The following SGSM1 variants were observed in gnomAD, a reference collection of about 807,000 sequenced individuals.
The protein encoded by SGSM1 is RUN and TBC1 domain containing 2.
Under a neutral mutation model 133.8 loss-of-function variants are expected in SGSM1, and 73 were observed. The ratio of observed to expected loss-of-function variants is 0.55; its 90% CI spans 0.45 to 0.66. The LOEUF is 0.66. Ranked by LOEUF, SGSM1 falls within the 30% of genes least tolerant of loss-of-function variation. The pLI is 0.00. For missense variants in SGSM1, 1,213 were observed against 1,448.1 expected (o/e 0.84, Z 2.64); for synonymous variants, 563 against 573.0 (o/e 0.98, Z 0.25).
At chr22:24,806,650 G>A (rs1927408080) in intron 2 of SGSM1, among the ~76,000 whole-genome samples, 166 bp downstream of exon 2, 1 of 152,108 alleles carries the variant, frequency 6.6e-6, no homozygotes, top group Non-Finnish European at 1.5e-5. Flanking sequence ...GAGGCGCAGC[G>A]AGGGAGTTTG....
chr22:24,913,310 A>G (rs981000275), intron 22 of SGSM1, among the ~76,000 whole-genome samples: 4 of 146,536 alleles, frequency 2.7e-5, no homozygotes, highest in Admixed American at 2.0e-4. Flanking sequence ...AAAAAAAAAA[A>G]GAAAGAAAAA....
In SGSM1 at chr22:24,847,788, C is replaced by G. The variant is rs373806756; in HGVS notation, c.294C>G (p.Ile98Met). 2 of 1,613,638 alleles carry G rather than the reference C, an allele frequency of 1.2e-6. No homozygotes were observed. Among genetic ancestry groups the G allele is most frequent in the Non-Finnish European group, 8.5e-7 (1 of 1,179,772 alleles). ...AGGTGCAAGACCTGGAGCAGCTGAT[C>G]GAGAGCGCGTGAGTGCAAAGCATGG... ...SRKVQDLEQL[I>M]ESARNQIQGL... Residue 98 changes from isoleucine (I) to methionine (M), a missense_variant, in exon 4 of 25, where the codon ATC becomes ATG. By Grantham distance (10) the Ile-to-Met change is conservative (BLOSUM62 1). Transcript: ENST00000400358.
intron 21 of SGSM1, among the ~76,000 whole-genome samples, chr22:24,906,187 A>AG (rs1491268463): frequency 1.3e-5 from 2 of 152,226 alleles, no homozygotes; most frequent in Non-Finnish European, 2.9e-5. Flanking sequence ...CAATTGACAC[A>AG]GAAAAACACA....
In SGSM1 at chr22:24,806,458, A is replaced by G; in HGVS notation, c.37A>G (p.Arg13Gly). 6.6e-7 allele frequency: 1 copy of G among 1,523,804 alleles called. No individual in the cohort carries two copies. Among genetic ancestry groups the G allele is most frequent in the South Asian group, 1.2e-5 (1 of 81,702 alleles). The allele number at this position is 1,523,804 out of a possible 1,614,324, so 94.4% of individuals were successfully genotyped here. ...TCCCACAGAGGCGGAGACCCGACAG[A>G]GGCTGCTACGCACCGTCAAGAAGGA... ...SAPAEAETRQ[R>G]LLRTVKKEVK... The change falls in exon 2 of 25, where the codon AGG becomes GGG. Residue 13 changes from arginine to glycine, a missense_variant. Coordinates refer to ENST00000400358, the MANE Select transcript of SGSM1 (RefSeq NM_001098497.3).
rs143072147 is a variant in SGSM1 at position 24,901,889 on chromosome 22, G to C, written c.2667G>C (p.Gln889His). The C allele has an allele frequency of 6.2e-7, 1 of 1,610,288 alleles. No individual in the cohort carries two copies. Among genetic ancestry groups the C allele is most frequent in the Non-Finnish European group, 8.5e-7 (1 of 1,178,486 alleles). The part of the protein sequence containing the change: ...VNLHRIEKDV[Q>H]RCDRNYWYFT... ...TGCACCGCATCGAGAAGGATGTGCA[G>C]AGGTGCGACCGCAACTACTGGTACT... The change falls in exon 20 of 25, where the codon CAG becomes CAC. Residue 889 changes from glutamine (Q) to histidine (H), a missense_variant. By Grantham distance (24) the Gln-to-His change is conservative. Transcript: ENST00000400358.
intron 2 of SGSM1, among the ~76,000 whole-genome samples, chr22:24,812,150 AC>A: frequency 6.7e-6 from 1 of 149,572 alleles, no homozygotes; most frequent in Non-Finnish European, 1.5e-5. Flanking sequence ...AGCCTGGGTG[AC>A]AAAGCAAGAC....
At chr22:24,859,938 C>G in intron 9 of SGSM1, 98 bp downstream of exon 9, 1 of 1,511,744 alleles carries the variant, frequency 6.6e-7, no homozygotes, top group Non-Finnish European at 9.0e-7. Flanking sequence ...TATCCCGCCC[C>G]TGCTTCTGCC....
In SGSM1 at chr22:24,886,744, T is replaced by C. The variant is rs16979179; in HGVS notation, c.1770+16T>C. 0.024 allele frequency: 37,100 copies of C among 1,575,144 alleles called. 804 individuals carry two copies. The highest frequency in any genetic ancestry group is 0.074 in the African/African-American group (5,519 of 74,126). On this transcript the variant is annotated intron_variant, in intron 16 of 24. Transcript: ENST00000400358. ...AAGGAAAGAGGTCGGTTACCTGCCATGGGCACTGGGATCTTTGGCAACAAA... is the reference window on the plus strand; with the variant it reads ...AAGGAAAGAGGTCGGTTACCTGCCACGGGCACTGGGATCTTTGGCAACAAA...
chr22:24,812,750 T>G (rs955604536), intron 2 of SGSM1, among the ~76,000 whole-genome samples: 2 of 152,130 alleles, frequency 1.3e-5, no homozygotes, highest in Non-Finnish European at 1.5e-5. Context: ...TGCCAACTCT[T>G]AGAAGAAAAC....
rs536728139 is a variant in SGSM1, at chr22:24,822,688, T to C, written c.63+16204T>C. Among the ~76,000 whole-genome samples the C allele has an allele frequency of 8.5e-4, 129 of 152,286 alleles. 2 individuals are homozygous for C. Among genetic ancestry groups the C allele is most frequent in the Non-Finnish European group, 1.6e-4 (11 of 68,028 alleles). On this transcript the variant is annotated intron_variant, in intron 2 of 24. Coordinates refer to ENST00000400358, the MANE Select transcript of SGSM1 (RefSeq NM_001098497.3). ...GGAGCTGGCAGGTGCCACCGTCCCC[T>C]GGCTCTGGGAGCAGCAAGTTGGCTG...
At chr22:24,847,493 T>C (rs922974661) in intron 3 of SGSM1, 141 bp from the exon 4 acceptor site, 5 of 1,045,592 alleles carry the variant, frequency 4.8e-6, no homozygotes, top group Admixed American at 2.9e-5. Flanking sequence ...AAGTGTGAGC[T>C]CCCTGTCTCT....
chr22:24,863,677 A>T (rs1022842992), intron 9 of SGSM1, among the ~76,000 whole-genome samples: 5 of 151,828 alleles, frequency 3.3e-5, no homozygotes, highest in African/African-American at 1.2e-4. Context: ...CCCTTGGGGG[A>T]CCAAGAAGCA....
rs529233641 is a variant in SGSM1, at chr22:24,841,067, G to T, written c.64-3830G>T. 9.9e-5 allele frequency among the ~76,000 whole-genome samples: 15 copies of T among 151,884 alleles called. 1 individual carries two copies. The East Asian group carries it at 2.7e-3, about 28-fold the overall frequency. On this transcript the variant is annotated intron_variant, in intron 2 of 24. Transcript: ENST00000400358. ...GGGTTTCACCGTGTTAGCCAAGATG[G>T]TCTCGATCTCCTGACCTTGTGATCC...
intron 12 of SGSM1, among the ~76,000 whole-genome samples, chr22:24,875,661 AAG>A (rs1931993673): frequency 6.6e-6 from 1 of 151,972 alleles, no homozygotes; most frequent in Non-Finnish European, 1.5e-5. Flanking sequence ...AAAAGAAAGA[AAG>A]AAAAAAGAAA....
At chr22:24,921,589 A>G (rs1311833783) in intron 24 of SGSM1, among the ~76,000 whole-genome samples, 1 of 152,352 alleles carries the variant, frequency 6.6e-6, no homozygotes, top group Admixed American at 6.5e-5. Flanking sequence ...CTGTAAAATT[A>G]TAACAGCACC....
intron 2 of SGSM1, among the ~76,000 whole-genome samples, chr22:24,806,887 G>A (rs1927431525): frequency 6.6e-6 from 1 of 152,074 alleles, no homozygotes; most frequent in African/African-American, 2.4e-5. Context: ...CTCTGAATGG[G>A]GCTGCCGAAG....
At chr22:24,844,759 G>A (rs966799838) in intron 2 of SGSM1, 138 bp from the exon 3 acceptor site, 10 of 623,664 alleles carry the variant, frequency 1.6e-5, no homozygotes, top group Middle Eastern at 4.4e-4. Flanking sequence ...CGAGGAGGGG[G>A]AAGGAAAGCA....
chr22:24,854,274 C>T (rs548660046), intron 5 of SGSM1, among the ~76,000 whole-genome samples: 36 of 152,278 alleles, frequency 2.4e-4, no homozygotes, highest in African/African-American at 5.5e-4. Context: ...CCTTTCAGTA[C>T]GCACTGCTGC....
chr22:24,923,865 A>G (rs575235025), intron 24 of SGSM1, among the ~76,000 whole-genome samples: 153 of 151,784 alleles, frequency 1.0e-3, no homozygotes, highest in Non-Finnish European at 1.3e-3. Flanking sequence ...CAGGTGATCC[A>G]CCTGCCTCGG....
Sources: gnomAD v4.1 joint callset for allele counts (sites outside exome capture counted in the v4.1 genomes callset) on GRCh38, gnomAD v4.1.1 for gene constraint, MANE v1.5 for transcripts, NCBI Gene and HGNC (gene_info 2026-07-23, HGNC 2026-07-21) for gene names.